CHLSN: variants seen among roughly 807,000 people sequenced by gnomAD.
CHLSN encodes protein cholesin.
chr7:1,097,444 A>G, the CHLSN span, among the ~76,000 whole-genome samples: 1 of 152,264 alleles, frequency 6.6e-6, no homozygotes, highest in African/African-American at 2.4e-5. This position sits in a 1 kb window ranked among gnomAD's most constrained non-coding sequence, Gnocchi z 4.3. Context: ...CATGAAAAGC[A>G]GGAGTCTGCA....
chr7:1,058,970 G>A, the CHLSN span: 10 of 186,646 alleles, frequency 5.4e-5, no homozygotes, highest in East Asian at 3.0e-4. Flanking sequence ...CAGGGTGGCC[G>A]GGCCCTGCCA....
the CHLSN span, among the ~76,000 whole-genome samples, chr7:1,059,923 A>G: frequency 0.037 from 1,179 of 31,968 alleles, 27 homozygotes; most frequent in Middle Eastern, 0.1. Flanking sequence ...TTAGTGAGGC[A>G]GGTCTTAGTG....
chr7:1,121,200 T>G, the CHLSN span, among the ~76,000 whole-genome samples: 1 of 152,178 alleles, frequency 6.6e-6, no homozygotes, highest in Non-Finnish European at 1.5e-5. Context: ...TCCACCTGCC[T>G]TTCAGCCCTG....
chr7:1,018,896 T>C, the CHLSN span, among the ~76,000 whole-genome samples: 1 of 152,218 alleles, frequency 6.6e-6, no homozygotes, highest in Non-Finnish European at 1.5e-5. Flanking sequence ...AGGTGTTCCA[T>C]AGTCTAGGAC....
the CHLSN span, chr7:1,026,227 C>CA: frequency 6.6e-6 from 1 of 152,282 alleles, no homozygotes; most frequent in African/African-American, 2.4e-5. Flanking sequence ...TCTAACGATT[C>CA]ACGACACTCC....
the CHLSN span, chr7:1,058,808 T>C: frequency 6.7e-6 from 3 of 444,494 alleles, no homozygotes; most frequent in Non-Finnish European, 1.2e-5. Context: ...AGCATTCAGT[T>C]TGTCAATGAA....
At chr7:1,023,624 A>AACACACACAC in the CHLSN span, among the ~76,000 whole-genome samples, 2,677 of 122,200 alleles carry the variant, frequency 0.022, 54 homozygotes, top group East Asian at 0.055. This position sits in a 1 kb window ranked among gnomAD's most constrained non-coding sequence, Gnocchi z 5.0. Context: ...CCTCCCAGGA[A>AACACACACAC]ACACACACAC....
At chr7:1,106,191 C>T in the CHLSN span, among the ~76,000 whole-genome samples, 1 of 152,226 alleles carries the variant, frequency 6.6e-6, no homozygotes, top group Non-Finnish European at 1.5e-5. Context: ...GCCGAGCACT[C>T]AGCTGTCGGG....
the CHLSN span, among the ~76,000 whole-genome samples, chr7:1,111,799 CA>C: frequency 6.3e-4 from 90 of 142,152 alleles, no homozygotes; most frequent in Non-Finnish European, 8.0e-4. Flanking sequence ...GAGACCCTCT[CA>C]AAAAAAAAAA....
At chr7:1,035,062 GTGTCA>G in the CHLSN span, among the ~76,000 whole-genome samples, 1 of 152,254 alleles carries the variant, frequency 6.6e-6, no homozygotes, top group Non-Finnish European at 1.5e-5. Context: ...ATTTCAGCTG[GTGTCA>G]TGTCTTTGCG....
chr7:1,068,930 G>A, the CHLSN span, among the ~76,000 whole-genome samples: 18 of 152,232 alleles, frequency 1.2e-4, no homozygotes, highest in African/African-American at 4.3e-4. Context: ...TACTCAGCCT[G>A]TGAGGAACCG....
the CHLSN span, among the ~76,000 whole-genome samples, chr7:1,094,604 A>G: frequency 6.6e-6 from 1 of 152,110 alleles, no homozygotes; most frequent in Admixed American, 6.6e-5. Flanking sequence ...TGTGGGACAT[A>G]ACACAACCAC....
chr7:1,081,255 C>T, the CHLSN span, among the ~76,000 whole-genome samples: 1 of 152,212 alleles, frequency 6.6e-6, no homozygotes, highest in African/African-American at 2.4e-5. Context: ...CACCCAGCCC[C>T]GCTCCACCAG....
At chr7:1,105,486 C>T in the CHLSN span, among the ~76,000 whole-genome samples, 2 of 152,174 alleles carry the variant, frequency 1.3e-5, no homozygotes, top group African/African-American at 2.4e-5. Flanking sequence ...AACTGTGAGA[C>T]GCTGATCGTT....
At chr7:981,839 G>A in the CHLSN span, among the ~76,000 whole-genome samples, 16 of 152,194 alleles carry the variant, frequency 1.1e-4, no homozygotes. Context: ...ACCAGCCTGA[G>A]CAACGTAGCA....
At chr7:1,085,801 C>T in the CHLSN span, among the ~76,000 whole-genome samples, 1 of 151,472 alleles carries the variant, frequency 6.6e-6, no homozygotes, top group Non-Finnish European at 1.5e-5. Flanking sequence ...CCACTGCACA[C>T]TGGCCTGGGC....
At chr7:984,940 C>T in the CHLSN span, 1 of 1,589,608 alleles carries the variant, frequency 6.3e-7, no homozygotes, top group Non-Finnish European at 8.5e-7. Flanking sequence ...CGCACTGTAT[C>T]TGCCTACAGG....
At chr7:996,358 C>T in the CHLSN span, among the ~76,000 whole-genome samples, 13 of 152,214 alleles carry the variant, frequency 8.5e-5, no homozygotes, top group Admixed American at 7.8e-4. Context: ...TGTTGGGGGG[C>T]GGGGCACCCA....
the CHLSN span, among the ~76,000 whole-genome samples, chr7:1,072,362 T>A: frequency 6.6e-6 from 1 of 152,178 alleles, no homozygotes; most frequent in African/African-American, 2.4e-5. Context: ...ACACACGCAG[T>A]GGGGCAGACA....
Sources: gnomAD v4.1 joint callset for allele counts (sites outside exome capture counted in the v4.1 genomes callset) on GRCh38, gnomAD v4.1.1 for gene constraint, Gnocchi (gnomAD v3.1) non-coding constraint, MANE v1.5 for transcripts, NCBI Gene and HGNC (gene_info 2026-07-23, HGNC 2026-07-21) for gene names.